Variants in FAM124A observed in about 807,000 individuals in gnomAD.
The protein encoded by FAM124A is family with sequence similarity 124 member A.
A neutral mutation model predicts 24.5 loss-of-function variants in FAM124A; 23 were observed. That is an observed-to-expected ratio of 0.94 (90% CI 0.68 to 1.33). The LOEUF is 1.33. Ranked by LOEUF, FAM124A falls within the 40% of genes most tolerant of loss-of-function variation. FAM124A has a pLI of 0.00. For synonymous variants in FAM124A, 287 were observed against 314.7 expected, an observed-to-expected ratio of 0.91 and a Z score of 0.93; for missense variants, 623 against 722.8, an observed-to-expected ratio of 0.86 and a Z score of 1.58.
intron 3 of FAM124A, among the ~76,000 whole-genome samples, chr13:51,266,056 A>T (rs184381805): frequency 3.4e-4 from 52 of 152,076 alleles, no homozygotes; most frequent in Non-Finnish European, 6.8e-4. Context: ...AGACAACTTC[A>T]TCTAAGTGGT....
At chr13:51,248,333 T>C (rs1285779357) in intron 2 of FAM124A, among the ~76,000 whole-genome samples, 1 of 152,226 alleles carries the variant, frequency 6.6e-6, no homozygotes, top group African/African-American at 2.4e-5. Flanking sequence ...CCACCAGGCC[T>C]GTGGGCTTCC....
intron 2 of FAM124A, among the ~76,000 whole-genome samples, chr13:51,240,904 C>A (rs1954484260): frequency 6.6e-6 from 1 of 152,186 alleles, no homozygotes; most frequent in South Asian, 2.1e-4. Flanking sequence ...TTCTGGCACA[C>A]AGATTTTCAT....
At chr13:51,232,982 G>A (rs138282576) in intron 2 of FAM124A, among the ~76,000 whole-genome samples, 73 of 152,288 alleles carry the variant, frequency 4.8e-4, no homozygotes, top group African/African-American at 1.7e-3. Context: ...TCAATACCCT[G>A]CTATTGCTCT....
chr13:51,244,122 C>T (rs1050021698), intron 2 of FAM124A, among the ~76,000 whole-genome samples: 14 of 152,160 alleles, frequency 9.2e-5, no homozygotes, highest in African/African-American at 2.7e-4. Context: ...CTGTTGGCCT[C>T]GTCGGGGATT....
At position 51,283,063 on chromosome 13, in the gene FAM124A, AC is replaced by A; in HGVS notation, c.*1808del. 1 of 151,870 alleles carries A rather than the reference AC, an allele frequency of 6.6e-6. No individual in the cohort carries two copies. Among genetic ancestry groups the A allele is most frequent in the Non-Finnish European group, 1.5e-5 (1 of 68,006 alleles). 9.4% of individuals were successfully genotyped at this position (151,870 alleles called of 1,614,324 possible). On this transcript the variant is annotated 3_prime_UTR_variant, in exon 4 of 4. Coordinates refer to ENST00000322475, the MANE Select transcript of FAM124A (RefSeq NM_001242312.2). ...AAGCTTTATTTTTTTTTTATTTGAG[AC>A]GGGGTCTTGCTCTGTTGCCCAGGCT...
intron 3 of FAM124A, among the ~76,000 whole-genome samples, chr13:51,279,054 T>G (rs1042372163): frequency 2.0e-5 from 3 of 152,152 alleles, no homozygotes; most frequent in Non-Finnish European, 4.4e-5. Context: ...AGGTGATGCA[T>G]ACTTATCAAG....
At chr13:51,264,810 A>G (rs576104057) in intron 3 of FAM124A, among the ~76,000 whole-genome samples, 2 of 152,350 alleles carry the variant, frequency 1.3e-5, no homozygotes, top group African/African-American at 2.4e-5. Flanking sequence ...TGAGATGTCC[A>G]TCACATTTAC....
intron 2 of FAM124A, among the ~76,000 whole-genome samples, chr13:51,243,788 G>A (rs774296781): frequency 2.0e-5 from 3 of 152,058 alleles, no homozygotes; most frequent in Admixed American, 6.6e-5. Context: ...CACCTGCCTC[G>A]ATCTCCGAAA....
In FAM124A at chr13:51,246,917, T is replaced by C. The variant is rs544614098; in HGVS notation, c.101-4551T>C. Among the ~76,000 whole-genome samples, 283 of 152,348 alleles carry C rather than the reference T, an allele frequency of 1.9e-3. 1 individual carries two copies. The highest frequency in any genetic ancestry group is 6.4e-3 in the African/African-American group (266 of 41,586). On this transcript the variant is annotated intron_variant, in intron 2 of 3. Transcript: ENST00000322475. ...CTTCACACCCAAGCCTCTCACGCCA[T>C]GCTATAGGCTTTCTTGGGTGACTGT...
chr13:51,256,086 G>A (rs1954671816), intron 3 of FAM124A, among the ~76,000 whole-genome samples: 1 of 152,218 alleles, frequency 6.6e-6, no homozygotes, highest in Non-Finnish European at 1.5e-5. Flanking sequence ...TGAATGGAAG[G>A]CCGCCTGCCT....
chr13:51,246,402 GGT>G (rs199669796), intron 2 of FAM124A, among the ~76,000 whole-genome samples: 5,734 of 124,904 alleles, frequency 0.046, 245 homozygotes, highest in East Asian at 0.08. Context: ...TTTCTCGTGG[GGT>G]GGGGGGGGGT....
At chr13:51,256,855 C>T (rs1209680404) in intron 3 of FAM124A, among the ~76,000 whole-genome samples, 3 of 152,178 alleles carry the variant, frequency 2.0e-5, no homozygotes, top group African/African-American at 7.2e-5. Flanking sequence ...CCCTCCTCCC[C>T]GAGGCCCTGG....
intron 2 of FAM124A, among the ~76,000 whole-genome samples, chr13:51,246,122 C>G (rs780088834): frequency 1.3e-5 from 2 of 152,204 alleles, no homozygotes; most frequent in Non-Finnish European, 2.9e-5. Context: ...TAATGGTGTG[C>G]TAGCAGCTCC....
chr13:51,225,616 GGA>G (rs1165343017), intron 1 of FAM124A, among the ~76,000 whole-genome samples: 2 of 152,144 alleles, frequency 1.3e-5, no homozygotes, highest in Non-Finnish European at 1.5e-5. Context: ...GAGAAAGGAA[GGA>G]GAGATCAACT....
chr13:51,275,757 A>C (rs1353825809), intron 3 of FAM124A, among the ~76,000 whole-genome samples: 2 of 152,322 alleles, frequency 1.3e-5, no homozygotes, highest in African/African-American at 4.8e-5. Flanking sequence ...CAACTGGAAT[A>C]CTTATAAATT....
At chr13:51,250,922 G>T (rs1367269810) in intron 2 of FAM124A, among the ~76,000 whole-genome samples, 1 of 152,194 alleles carries the variant, frequency 6.6e-6, no homozygotes, top group East Asian at 1.9e-4. Context: ...TCCATCATTC[G>T]CCTTGTGCCT....
intron 2 of FAM124A, among the ~76,000 whole-genome samples, chr13:51,244,120 C>T (rs1417866671): frequency 6.6e-6 from 1 of 152,202 alleles, no homozygotes; most frequent in East Asian, 1.9e-4. Flanking sequence ...GTCTGTTGGC[C>T]TCGTCGGGGA....
intron 2 of FAM124A, chr13:51,245,267 A>C (rs1473695719): frequency 1.6e-6 from 1 of 621,068 alleles, no homozygotes; most frequent in African/African-American, 1.9e-5. Context: ...TTTGCACAGC[A>C]TGTGAAAATC....
chr13:51,277,547 C>A (rs552899778), intron 3 of FAM124A, among the ~76,000 whole-genome samples: 1 of 152,360 alleles, frequency 6.6e-6, no homozygotes, highest in African/African-American at 2.4e-5. Context: ...GTAATCCCAG[C>A]ACTTTGGGAG....
Sources: allele counts gnomAD v4.1 joint callset (sites outside exome capture counted in the v4.1 genomes callset), GRCh38; gene constraint gnomAD v4.1.1; transcripts MANE v1.5; gene names NCBI Gene and HGNC (gene_info 2026-07-23, HGNC 2026-07-21).